Variants in TMEM117 observed in about 807,000 individuals in gnomAD.
The protein encoded by TMEM117 is transmembrane protein 117.
Under a neutral mutation model 52.4 loss-of-function variants are expected in TMEM117, and 27 were observed. That is an observed-to-expected ratio of 0.51 (90% CI 0.38 to 0.71). The LOEUF (loss-of-function observed/expected upper bound fraction) is 0.71. TMEM117 is among the 30% of genes least tolerant of loss of function. The probability of loss-of-function intolerance (pLI) is 0.00; values close to 1 mark genes in which losing one functional copy is unlikely to be tolerated. For missense variants in TMEM117, 556 were observed against 630.5 expected (o/e 0.88, Z 1.26); for synonymous variants, 215 against 206.3 (o/e 1.04, Z -0.36).
At chr12:43,813,233 T>C in the TMEM117 span, among the ~76,000 whole-genome samples, 24 of 89,070 alleles carry the variant, frequency 2.7e-4, no homozygotes, top group African/African-American at 1.3e-3. Flanking sequence ...TTTCTCTTGT[T>C]TTTTTTTTTT....
intron 6 of TMEM117, among the ~76,000 whole-genome samples, chr12:44,347,737 G>A (rs949236162): frequency 6.6e-6 from 1 of 151,960 alleles, no homozygotes; most frequent in African/African-American, 2.4e-5. Flanking sequence ...AAATGAGAGG[G>A]CAGCATATTT....
intron 2 of TMEM117, among the ~76,000 whole-genome samples, chr12:43,915,234 C>G (rs1188990044): frequency 6.6e-6 from 1 of 152,138 alleles, no homozygotes; most frequent in Non-Finnish European, 1.5e-5. Flanking sequence ...GCGCTCCACA[C>G]TTTAGACTTC....
At chr12:44,374,620 G>A (rs967349637) in intron 6 of TMEM117, among the ~76,000 whole-genome samples, 1 of 101,294 alleles carries the variant, frequency 9.9e-6, no homozygotes, top group Non-Finnish European at 2.3e-5. Context: ...AACTATTTGT[G>A]TGTGTGTGTG....
chr12:44,392,390 C>T (rs1822170633), downstream of TMEM117, among the ~76,000 whole-genome samples: 1 of 152,056 alleles, frequency 6.6e-6, no homozygotes, highest in Non-Finnish European at 1.5e-5. Context: ...AGGAACTTTA[C>T]CATAAAATTC....
At chr12:43,868,356 C>T (rs144368961) in intron 2 of TMEM117, among the ~76,000 whole-genome samples, 1 of 151,804 alleles carries the variant, frequency 6.6e-6, no homozygotes. Context: ...GCCTGGGCAA[C>T]GTGGTTAAAA....
chr12:44,392,705 G>A (rs548805886), downstream of TMEM117, among the ~76,000 whole-genome samples: 1 of 143,402 alleles, frequency 7.0e-6, no homozygotes, highest in Admixed American at 7.2e-5. Flanking sequence ...CCCGGGGTGT[G>A]ATGTTCCCCT....
At chr12:44,108,572 A>T (rs1948006528) in intron 3 of TMEM117, among the ~76,000 whole-genome samples, 1 of 90,332 alleles carries the variant, frequency 1.1e-5, no homozygotes, top group Non-Finnish European at 1.9e-5. Context: ...TCCATGGTGT[A>T]TATATGCCAC....
the TMEM117 span, among the ~76,000 whole-genome samples, chr12:43,829,739 G>T: frequency 6.6e-6 from 1 of 152,160 alleles, no homozygotes; most frequent in East Asian, 1.9e-4. Context: ...ACTGGAAGTG[G>T]GAGCCTCTGT....
intron 2 of TMEM117, among the ~76,000 whole-genome samples, chr12:43,887,914 A>G (rs1490473235): frequency 2.6e-5 from 4 of 152,218 alleles, no homozygotes; most frequent in African/African-American, 9.6e-5. Context: ...AGTGAGGATC[A>G]AAATAGCAGT....
At chr12:44,122,901 A>G (rs985072775) in intron 3 of TMEM117, among the ~76,000 whole-genome samples, 1 of 152,158 alleles carries the variant, frequency 6.6e-6, no homozygotes, top group African/African-American at 2.4e-5. Context: ...AAATAGAACA[A>G]TTGGTATCCC....
At chr12:43,984,325 G>A (rs983883853) in intron 3 of TMEM117, among the ~76,000 whole-genome samples, 11 of 151,974 alleles carry the variant, frequency 7.2e-5, no homozygotes, top group South Asian at 2.1e-4. Context: ...CTGAGATGAC[G>A]TCACTGCACT....
At chr12:44,348,818 A>T (rs1172928800) in intron 6 of TMEM117, among the ~76,000 whole-genome samples, 1 of 151,890 alleles carries the variant, frequency 6.6e-6, no homozygotes, top group Non-Finnish European at 1.5e-5. Context: ...AAGAGTTGGG[A>T]CCATTAGAAC....
At chr12:44,069,695 A>C (rs1947272778) in intron 3 of TMEM117, among the ~76,000 whole-genome samples, 1 of 152,240 alleles carries the variant, frequency 6.6e-6, no homozygotes, top group African/African-American at 2.4e-5. Context: ...TTTAGGCTTT[A>C]AAATGATTAT....
intron 5 of TMEM117, among the ~76,000 whole-genome samples, chr12:44,295,654 G>T: frequency 6.7e-6 from 1 of 148,250 alleles, no homozygotes; most frequent in Non-Finnish European, 1.5e-5. Flanking sequence ...TTCTATTATT[G>T]TATTCTTCAA....
rs533221269 is a variant in TMEM117, at chr12:44,159,539, A to AT, written c.510+15923dup. On this transcript the variant is annotated intron_variant, in intron 4 of 7. Coordinates refer to ENST00000266534, the MANE Select transcript of TMEM117 (RefSeq NM_032256.3). Reference sequence around the variant, plus strand: ...TGCCAGCCTCACTTTTGATGTTAGCATTTTTTTTCCTAAACAGTGTGTCCA... The same window carrying AT: ...TGCCAGCCTCACTTTTGATGTTAGCATTTTTTTTTCCTAAACAGTGTGTCCA... Among the ~76,000 whole-genome samples the AT allele has an allele frequency of 5.9e-5, 9 of 152,014 alleles. No individual in the cohort carries two copies. In the South Asian group the frequency reaches 8.3e-4, roughly 14 times the overall value.
At chr12:44,104,572 A>G (rs1212640096) in intron 3 of TMEM117, among the ~76,000 whole-genome samples, 2 of 151,844 alleles carry the variant, frequency 1.3e-5, no homozygotes, top group Non-Finnish European at 1.5e-5. Context: ...TCTTTCTCCA[A>G]CACTTTTCCT....
At chr12:44,276,832 C>G (rs1043813281) in intron 5 of TMEM117, among the ~76,000 whole-genome samples, 2 of 151,604 alleles carry the variant, frequency 1.3e-5, no homozygotes, top group African/African-American at 4.9e-5. Flanking sequence ...TGAGCTATGT[C>G]TATTAGCTAG....
intron 3 of TMEM117, among the ~76,000 whole-genome samples, chr12:44,069,106 C>A (rs1165453759): frequency 6.6e-6 from 1 of 152,114 alleles, no homozygotes; most frequent in East Asian, 1.9e-4. Context: ...ACTGACTATG[C>A]ATATTGCTTG....
intron 2 of TMEM117, among the ~76,000 whole-genome samples, chr12:43,934,858 C>T (rs1489127027): frequency 1.3e-5 from 2 of 152,112 alleles, no homozygotes; most frequent in African/African-American, 2.4e-5. Flanking sequence ...TATCATCTTA[C>T]ATTTATTATA....
Sources: gnomAD v4.1 joint callset for allele counts (sites outside exome capture counted in the v4.1 genomes callset) on GRCh38, gnomAD v4.1.1 for gene constraint, MANE v1.5 for transcripts, NCBI Gene and HGNC (gene_info 2026-07-23, HGNC 2026-07-21) for gene names.